The following CELSR1 variants were observed in gnomAD, a reference collection of about 807,000 sequenced individuals.
CELSR1 encodes adhesion G protein-coupled receptor C1.
CELSR1 carries 110 observed loss-of-function variants against 249.1 expected under a neutral mutation model. The observed-to-expected ratio is 0.44, with a 90% CI of 0.38 to 0.52. CELSR1 has a LOEUF of 0.52. Among genes scored for constraint, CELSR1 ranks in the 20% least tolerant of loss-of-function variants. CELSR1 has a pLI of 0.00. For synonymous variants in CELSR1, 2,113 were observed against 1,900.0 expected (o/e 1.11, Z -2.92); for missense variants, 4,109 against 4,296.4 (o/e 0.96, Z 1.22).
At chr22:46,375,218 C>T (rs1226096012) in intron 24 of CELSR1, among the ~76,000 whole-genome samples, 1 of 152,210 alleles carries the variant, frequency 6.6e-6, no homozygotes, top group Non-Finnish European at 1.5e-5. Flanking sequence ...TCCAGCCCCA[C>T]AGACACCGTC....
chr22:46,501,199 ATT>A (rs57293109), intron 1 of CELSR1, among the ~76,000 whole-genome samples: 1 of 108,556 alleles, frequency 9.2e-6, no homozygotes, highest in Non-Finnish European at 1.7e-5. Flanking sequence ...TGCCCGGCTA[ATT>A]TTTTTTTTTT....
rs1434782552 is a variant in CELSR1, at chr22:46,464,833, C to T, written c.3545-488G>A. 6.6e-6 allele frequency among the ~76,000 whole-genome samples: 1 copy of T among 152,136 alleles called. No homozygotes were observed. Among genetic ancestry groups the T allele is most frequent in the Non-Finnish European group, 1.5e-5 (1 of 68,014 alleles). On this transcript the variant is annotated intron_variant, in intron 1 of 34. Transcript: ENST00000674500. The surrounding 1 kb of genome is among the most constrained non-coding windows in gnomAD (Gnocchi z 8.5). ...AACAGTTCTTCCTGTCCTCGCAGCT[C>T]AGCTCAAACTCTGCAGTGCCTGGCA...
Position 46,447,329 on chromosome 22 carries a change from C to CT in CELSR1, c.4184-7919dup, listed in dbSNP as rs1386437489. Among the ~76,000 whole-genome samples, 1 of 152,126 alleles carries CT rather than the reference C, an allele frequency of 6.6e-6. No individual in the cohort carries two copies. The highest frequency in any genetic ancestry group is 2.4e-5 in the African/African-American group (1 of 41,398). On this transcript the variant is annotated intron_variant, in intron 2 of 34. Transcript: ENST00000674500. The surrounding 1 kb of genome is among the most constrained non-coding windows in gnomAD (Gnocchi z 4.7). ...CTATTTTCATAAAATAAATGTTCAGCTATGCTGACTATCAGGATTTATCTT... is the reference window on the plus strand; with the variant it reads ...CTATTTTCATAAAATAAATGTTCAGCTTATGCTGACTATCAGGATTTATCTT...
In CELSR1 at chr22:46,441,194, G is replaced by A. The variant is rs2079743947; in HGVS notation, c.4184-1783C>T. 6.6e-6 allele frequency among the ~76,000 whole-genome samples: 1 copy of A among 151,632 alleles called. No homozygotes were observed. Among genetic ancestry groups the A allele is most frequent in the Admixed American group, 6.6e-5 (1 of 15,224 alleles). On this transcript the variant is annotated intron_variant, in intron 2 of 34. Coordinates refer to ENST00000674500, the MANE Select transcript of CELSR1 (RefSeq NM_001378328.1). The surrounding 1 kb of genome is among the most constrained non-coding windows in gnomAD (Gnocchi z 6.1). ...GAGAGACTGCTATAAAGATGGAACT[G>A]GGGGGACATCCAATGTGAGGATACT...
At chr22:46,420,357 C>T (rs1030979565) in intron 5 of CELSR1, among the ~76,000 whole-genome samples, 2 of 152,088 alleles carry the variant, frequency 1.3e-5, no homozygotes, top group African/African-American at 4.8e-5. Context: ...CATTTACCCA[C>T]ATGTGCATGC....
rs2080825676 is a variant in CELSR1 at position 46,534,327 on chromosome 22, A to T, written c.2844T>A (p.Gly948=). 1.9e-5 allele frequency: 31 copies of T among 1,612,942 alleles called. No homozygotes were observed. Among genetic ancestry groups the T allele is most frequent in the Non-Finnish European group, 2.6e-5 (31 of 1,180,032 alleles). Residue 948 remains glycine, a synonymous_variant, in exon 1 of 35, where the codon GGT becomes GGA. Transcript: ENST00000674500. This position sits in a 1 kb window ranked among gnomAD's most constrained non-coding sequence, Gnocchi z 9.7. ...DGDFYIEPTS[G]VIRTQRRLDR... is the part of the protein sequence containing the mutation. Reference sequence around the variant, plus strand: ...CCAGCCGGCGCTGGGTGCGAATCACACCGGACGTGGGCTCGATGTAGAAGT... The same window carrying T: ...CCAGCCGGCGCTGGGTGCGAATCACTCCGGACGTGGGCTCGATGTAGAAGT...
intron 1 of CELSR1, among the ~76,000 whole-genome samples, chr22:46,498,839 AAAT>A (rs1223791223): frequency 6.6e-6 from 1 of 152,008 alleles, no homozygotes; most frequent in African/African-American, 2.4e-5. Context: ...TTAACTCAAT[AAAT>A]TAAAGAGCAA....
chr22:46,537,555 G>A lies in CELSR1; in HGVS notation c.-385C>T, dbSNP rs1401437009. 6.8e-6 allele frequency among the ~76,000 whole-genome samples: 1 copy of A among 147,446 alleles called. No homozygotes were observed. Among genetic ancestry groups the A allele is most frequent in the South Asian group, 2.1e-4 (1 of 4,818 alleles). ...GCGCGGGGCGGGGGCTGAGTTCCCGGAGCGGGCTGGGCAGCTCCGCGCCGC... is the reference window on the plus strand; with the variant it reads ...GCGCGGGGCGGGGGCTGAGTTCCCGAAGCGGGCTGGGCAGCTCCGCGCCGC... On this transcript the variant is annotated 5_prime_UTR_variant, in exon 1 of 35. Coordinates refer to ENST00000674500, the MANE Select transcript of CELSR1 (RefSeq NM_001378328.1). This position sits in a 1 kb window ranked among gnomAD's most constrained non-coding sequence, Gnocchi z 5.8.
At chr22:46,492,700 A>C (rs1306159962) in intron 1 of CELSR1, among the ~76,000 whole-genome samples, 1 of 152,128 alleles carries the variant, frequency 6.6e-6, no homozygotes, top group African/African-American at 2.4e-5. Context: ...AAGCAATCCC[A>C]GCTACTTGGG....
intron 2 of CELSR1, among the ~76,000 whole-genome samples, chr22:46,442,006 G>C (rs1341787689): frequency 6.6e-6 from 1 of 152,006 alleles, no homozygotes; most frequent in Non-Finnish European, 1.5e-5. Context: ...AAATTAGCTG[G>C]GTGTGGTGGC....
chr22:46,509,199 A>G (rs1285538042), intron 1 of CELSR1, among the ~76,000 whole-genome samples: 1 of 152,184 alleles, frequency 6.6e-6, no homozygotes, highest in Non-Finnish European at 1.5e-5. Context: ...CAAGATGGCC[A>G]GGTTCACAGG....
intron 19 of CELSR1, among the ~76,000 whole-genome samples, chr22:46,385,839 G>A (rs953157030): frequency 5.3e-5 from 8 of 151,844 alleles, no homozygotes; most frequent in African/African-American, 1.9e-4. Context: ...CACCACGACC[G>A]GCTACTTTTT....
intron 1 of CELSR1, among the ~76,000 whole-genome samples, chr22:46,503,782 C>A (rs1034805957): frequency 2.6e-5 from 4 of 152,218 alleles, no homozygotes; most frequent in African/African-American, 9.6e-5. Context: ...GTAATCCCAG[C>A]ACTTTGGGAG....
In CELSR1 at chr22:46,535,863, C is replaced by T. The variant is rs1301200794; in HGVS notation, c.1308G>A (p.Pro436=). The change falls in exon 1 of 35, where the codon CCG becomes CCA. Residue 436 remains proline (P), a synonymous_variant. Coordinates refer to ENST00000674500, the MANE Select transcript of CELSR1 (RefSeq NM_001378328.1). ...CGGTGGCCGTGGCACTGAGCGGGCC[C>T]GGATTGCGCCCCTGGTCGTTGGCCT... The part of the protein sequence containing the change: ...LVEANDQGRN[P]GPLSATATVY... The T allele has an allele frequency of 1.2e-6, 2 of 1,610,746 alleles. No individual in the cohort carries two copies.
intron 5 of CELSR1, among the ~76,000 whole-genome samples, chr22:46,416,302 G>A (rs2079400773): frequency 6.6e-6 from 1 of 152,246 alleles, no homozygotes. Flanking sequence ...CAGCACGGTG[G>A]AGGCCCCAGC....
At chr22:46,474,127 T>G (rs1389010691) in intron 1 of CELSR1, among the ~76,000 whole-genome samples, 1 of 152,118 alleles carries the variant, frequency 6.6e-6, no homozygotes, top group Non-Finnish European at 1.5e-5. Context: ...TCACGATGCC[T>G]CGGGAACAAA....
intron 1 of CELSR1, among the ~76,000 whole-genome samples, chr22:46,477,961 C>T (rs933502218): frequency 6.6e-6 from 1 of 152,180 alleles, no homozygotes; most frequent in Non-Finnish European, 1.5e-5. Flanking sequence ...CCCCTGGCCT[C>T]CACCCACTGG....
chr22:46,471,138 C>T lies in CELSR1; in HGVS notation c.3545-6793G>A, dbSNP rs1329491961. Among the ~76,000 whole-genome samples the T allele has an allele frequency of 6.6e-6, 1 of 151,706 alleles. No individual in the cohort carries two copies. Among genetic ancestry groups the T allele is most frequent in the Non-Finnish European group, 1.5e-5 (1 of 67,876 alleles). On this transcript the variant is annotated intron_variant, in intron 1 of 34. Transcript: ENST00000674500. The surrounding 1 kb of genome is among the most constrained non-coding windows in gnomAD (Gnocchi z 4.9). ...AGACTCCACCTCAAAAAAACAACAA[C>T]AAAAAAGGAAGGAGTTACTCTTTCA...
rs139668796 is a variant in CELSR1 at position 46,480,901 on chromosome 22, A to C, written c.3545-16556T>G. ...GGCAAGTGACATATGCTTTACACTTACGACCATCCTTCATTTCTTCATTCA... is the reference window on the plus strand; with the variant it reads ...GGCAAGTGACATATGCTTTACACTTCCGACCATCCTTCATTTCTTCATTCA... On this transcript the variant is annotated intron_variant, in intron 1 of 34. Coordinates refer to ENST00000674500, the MANE Select transcript of CELSR1 (RefSeq NM_001378328.1). Among the ~76,000 whole-genome samples the C allele has an allele frequency of 9.7e-3, 1,467 of 150,616 alleles. 26 individuals are homozygous for C. The highest frequency in any genetic ancestry group is 0.034 in the African/African-American group (1,397 of 41,214).
Sources: gnomAD v4.1 joint callset for allele counts (sites outside exome capture counted in the v4.1 genomes callset) on GRCh38, gnomAD v4.1.1 for gene constraint, Gnocchi (gnomAD v3.1) non-coding constraint, MANE v1.5 for transcripts, NCBI Gene and HGNC (gene_info 2026-07-23, HGNC 2026-07-21) for gene names.